Variants in SH3PXD2B observed in about 807,000 individuals in gnomAD.
SH3PXD2B encodes the protein SH3 and PX domains 2B.
Under a neutral mutation model 73.1 loss-of-function variants are expected in SH3PXD2B, and 37 were observed. The ratio of observed to expected loss-of-function variants is 0.51; its 90% CI spans 0.39 to 0.67. The LOEUF (loss-of-function observed/expected upper bound fraction) is 0.67. Ranked by LOEUF, SH3PXD2B falls within the 30% of genes least tolerant of loss-of-function variation. SH3PXD2B has a pLI of 0.00. For missense variants in SH3PXD2B, 1,053 were observed against 1,197.8 expected (o/e 0.88, Z 1.78); for synonymous variants, 457 against 480.5 (o/e 0.95, Z 0.64).
intron 4 of SH3PXD2B, among the ~76,000 whole-genome samples, chr5:172,392,434 G>C (rs545195442): frequency 6.6e-6 from 1 of 152,220 alleles, no homozygotes; most frequent in South Asian, 2.1e-4. Flanking sequence ...GCAGCCCTAG[G>C]AAACGAATGC....
chr5:172,355,026 G>A (rs945584284), intron 8 of SH3PXD2B, among the ~76,000 whole-genome samples: 1 of 152,190 alleles, frequency 6.6e-6, no homozygotes, highest in African/African-American at 2.4e-5. Flanking sequence ...TCTGGCAGCT[G>A]AAATGGAGAA....
intron 10 of SH3PXD2B, among the ~76,000 whole-genome samples, chr5:172,348,654 C>CTATCTATCTATCTATCTTATCTTAT (rs1440672001): frequency 6.9e-4 from 42 of 60,448 alleles, no homozygotes; most frequent in South Asian, 1.5e-3. Context: ...ATCTATCTAT[C>CTATCTATCTATCTATCTTATCTTAT]CTATCTATCT....
intron 10 of SH3PXD2B, among the ~76,000 whole-genome samples, chr5:172,348,495 A>G (rs1007222588): frequency 9.9e-5 from 15 of 152,072 alleles, no homozygotes; most frequent in African/African-American, 3.6e-4. Context: ...TGCCATATTA[A>G]CCCTGAACAT....
intron 1 of SH3PXD2B, among the ~76,000 whole-genome samples, chr5:172,432,351 TA>T (rs1759268217): frequency 6.6e-6 from 1 of 152,148 alleles, no homozygotes; most frequent in Non-Finnish European, 1.5e-5. Context: ...TGGGCCATAC[TA>T]AACAGCAAAA....
intron 8 of SH3PXD2B, among the ~76,000 whole-genome samples, chr5:172,355,835 C>T (rs1451136358): frequency 3.9e-5 from 6 of 152,160 alleles, no homozygotes; most frequent in East Asian, 1.9e-4. Flanking sequence ...TGAGCCAGCG[C>T]GCCCAGCCAT....
rs556889803 is a variant in SH3PXD2B, at chr5:172,333,890, A to G, written c.*4479T>C. 2.7e-4 allele frequency: 348 copies of G among 1,272,872 alleles called. 3 individuals are homozygous for G. The African/African-American group carries it at 4.9e-3, about 18-fold the overall frequency. 78.8% of individuals were successfully genotyped at this position (1,272,872 alleles called of 1,614,324 possible). ...CTAAGTGAAAGGGGCGCTAACAATA[A>G]TTACACGGGCACAAAGGCATACATG... On this transcript the variant is annotated 3_prime_UTR_variant, in exon 13 of 13. Coordinates refer to ENST00000311601, the MANE Select transcript of SH3PXD2B (RefSeq NM_001017995.3).
chr5:172,370,810 C>A (rs1757684663), intron 6 of SH3PXD2B, among the ~76,000 whole-genome samples: 1 of 152,192 alleles, frequency 6.6e-6, no homozygotes, highest in Non-Finnish European at 1.5e-5. Flanking sequence ...TCCACTTAGG[C>A]TTCAGGACGT....
chr5:172,377,701 A>G (rs1757847660), intron 5 of SH3PXD2B, among the ~76,000 whole-genome samples: 1 of 152,188 alleles, frequency 6.6e-6, no homozygotes, highest in South Asian at 2.1e-4. Flanking sequence ...TCTTTTCAGG[A>G]AGGCTCTCAG....
rs1446874927 is a variant in SH3PXD2B, at chr5:172,445,030, T to C, written c.75+9248A>G. On this transcript the variant is annotated intron_variant, in intron 1 of 12. Transcript: ENST00000311601. This position sits in a 1 kb window ranked among gnomAD's most constrained non-coding sequence, Gnocchi z 5.2. ...ACACGCCATGTGCCAGGGTTTCCAT[T>C]TCTTTGCCCTCCTGTTCTCTCTACC... 1.3e-5 allele frequency among the ~76,000 whole-genome samples: 2 copies of C among 152,212 alleles called. No homozygotes were observed. Among genetic ancestry groups the C allele is most frequent in the African/African-American group, 2.4e-5 (1 of 41,452 alleles).
chr5:172,417,721 C>A (rs990301948), intron 2 of SH3PXD2B, among the ~76,000 whole-genome samples: 4 of 152,186 alleles, frequency 2.6e-5, no homozygotes, highest in African/African-American at 9.7e-5. Flanking sequence ...CATCAATAAT[C>A]CTAATAGCTG....
chr5:172,372,899 C>T (rs567479701), intron 6 of SH3PXD2B, among the ~76,000 whole-genome samples: 4 of 152,192 alleles, frequency 2.6e-5, no homozygotes, highest in East Asian at 3.9e-4. Flanking sequence ...AGGTATGGGC[C>T]GGGGCCTTTG....
chr5:172,373,092 G>A lies in SH3PXD2B; in HGVS notation c.427+698C>T, dbSNP rs570238598. ...CATCCAGGAAATGGAAAGCTTATTA[G>A]GAGGGAATATAATGTATTTTAGGGA... On this transcript the variant is annotated intron_variant, in intron 6 of 12. Transcript: ENST00000311601. Among the ~76,000 whole-genome samples, 128 of 152,358 alleles carry A rather than the reference G, an allele frequency of 8.4e-4. 1 individual carries two copies. Among genetic ancestry groups the A allele is most frequent in the Admixed American group, 8.3e-3 (127 of 15,298 alleles).
chr5:172,410,339 T>C (rs1196822372), intron 2 of SH3PXD2B, among the ~76,000 whole-genome samples: 3 of 152,230 alleles, frequency 2.0e-5, no homozygotes, highest in Non-Finnish European at 2.9e-5. Context: ...TTTTGAGTCA[T>C]TGTCCCCTGT....
At chr5:172,354,501 G>C (rs1757229992) in intron 8 of SH3PXD2B, among the ~76,000 whole-genome samples, 1 of 152,194 alleles carries the variant, frequency 6.6e-6, no homozygotes, top group Non-Finnish European at 1.5e-5. Flanking sequence ...ATGGTGCTTG[G>C]AATGTTTAGC....
rs2113247651 is a variant in SH3PXD2B, at chr5:172,337,796, A to G, written c.*573T>C. 1.0e-6 allele frequency: 1 copy of G among 997,042 alleles called. No individual in the cohort carries two copies. 61.8% of individuals were successfully genotyped at this position (997,042 alleles called of 1,614,324 possible). ...GCATCCAGTGGAACCTCAGAGGCCC[A>G]CGGGCCTGAGGCTTTGGGGAAGGGG... is the stretch of plus-strand genomic sequence containing the variant. On this transcript the variant is annotated 3_prime_UTR_variant, in exon 13 of 13. Coordinates refer to ENST00000311601, the MANE Select transcript of SH3PXD2B (RefSeq NM_001017995.3).
At chr5:172,449,407 C>T (rs1339407963) in intron 1 of SH3PXD2B, among the ~76,000 whole-genome samples, 1 of 152,248 alleles carries the variant, frequency 6.6e-6, no homozygotes, top group African/African-American at 2.4e-5. Flanking sequence ...CACGCAGCCA[C>T]TCCTTGCTGT....
intron 7 of SH3PXD2B, among the ~76,000 whole-genome samples, chr5:172,359,279 C>A (rs754751844): frequency 6.7e-6 from 1 of 148,404 alleles, no homozygotes; most frequent in Non-Finnish European, 1.5e-5. Context: ...CCCAGCTACT[C>A]GGGAGGCTGA....
At chr5:172,329,021 A>G (rs1203944303), downstream of SH3PXD2B, among the ~76,000 whole-genome samples, 1 of 85,514 alleles carries the variant, frequency 1.2e-5, no homozygotes, top group East Asian at 3.5e-4. Flanking sequence ...ATATATACAT[A>G]TATACATATA....
chr5:172,341,673 C>T (rs1252114021), intron 12 of SH3PXD2B, among the ~76,000 whole-genome samples: 1 of 152,134 alleles, frequency 6.6e-6, no homozygotes, highest in African/African-American at 2.4e-5. Flanking sequence ...TTTTTTGAGA[C>T]AGAGTCTCGC....
Sources: gnomAD v4.1 joint callset for allele counts (sites outside exome capture counted in the v4.1 genomes callset) on GRCh38, gnomAD v4.1.1 for gene constraint, Gnocchi (gnomAD v3.1) non-coding constraint, MANE v1.5 for transcripts, NCBI Gene and HGNC (gene_info 2026-07-23, HGNC 2026-07-21) for gene names.